Variants in SPIC observed in about 807,000 individuals in gnomAD.
The protein encoded by SPIC is transcription factor Spi-C.
A neutral mutation model predicts 16.7 loss-of-function variants in SPIC; 9 were observed. The ratio of observed to expected loss-of-function variants is 0.54; its 90% CI spans 0.33 to 0.94. The LOEUF (loss-of-function observed/expected upper bound fraction) is 0.94, where lower values mean the gene tolerates loss of function less well. Ranked by LOEUF, SPIC falls within the 40% of genes least tolerant of loss-of-function variation. SPIC has a pLI of 0.03. For missense variants in SPIC, 241 were observed against 285.8 expected, an observed-to-expected ratio of 0.84 and a Z score of 1.13; for synonymous variants, 97 against 102.9, an observed-to-expected ratio of 0.94 and a Z score of 0.35.
intron 4 of SPIC, 122 bp downstream of exon 4, chr12:101,479,816 T>TCC: frequency 1.7e-6 from 1 of 578,818 alleles, no homozygotes; most frequent in Non-Finnish European, 2.6e-6. Flanking sequence ...GGTTTTTTCT[T>TCC]TCTTTTTTTT....
intron 3 of SPIC, among the ~76,000 whole-genome samples, chr12:101,479,345 AAG>A (rs1417403262): frequency 1.2e-4 from 18 of 150,202 alleles, no homozygotes; most frequent in African/African-American, 4.2e-4. Flanking sequence ...GAAAGAAAGA[AAG>A]AAAGAAAGAA....
chr12:101,479,538 A>G (rs1392544313), intron 3 of SPIC, 44 bp from the exon 4 acceptor site: 4 of 1,490,336 alleles, frequency 2.7e-6, no homozygotes, highest in Non-Finnish European at 2.8e-6. Flanking sequence ...ATGCACAAAT[A>G]CAAACTTTGA....
intron 5 of SPIC, among the ~76,000 whole-genome samples, chr12:101,484,280 T>C (rs968190295): frequency 6.6e-5 from 10 of 152,070 alleles, no homozygotes; most frequent in Non-Finnish European, 1.3e-4. Flanking sequence ...ATGCCTGTAA[T>C]CCTAGCACTT....
chr12:101,480,551 G>A (rs950720725), intron 4 of SPIC, among the ~76,000 whole-genome samples: 18 of 152,068 alleles, frequency 1.2e-4, no homozygotes, highest in Admixed American at 1.2e-3. Flanking sequence ...TTTATCAAGC[G>A]GTCTTCATGG....
rs770551209 is a variant in SPIC at position 101,486,647 on chromosome 12, G to T, written c.623G>T (p.Gly208Val). 1.2e-6 allele frequency: 2 copies of T among 1,613,842 alleles called. No individual in the cohort carries two copies. The highest frequency in any genetic ancestry group is 1.7e-6 in the Non-Finnish European group (2 of 1,179,866). Residue 208 changes from glycine (G) to valine (V), a missense_variant, in exon 6 of 6, where the codon GGG (glycine) becomes GTG (valine). Coordinates refer to ENST00000551346, the MANE Select transcript of SPIC (RefSeq NM_152323.3). Reference protein sequence around the residue: ...LQRLSPSYFLGKEIFYSQCVQ... With the variant: ...LQRLSPSYFLVKEIFYSQCVQ... ...AGACTCTCTCCATCCTATTTCCTGG[G>T]GAAAGAGATCTTCTATTCACAGTGT...
At chr12:101,479,172 A>AAAGAAAGAAAG (rs1555208932) in intron 3 of SPIC, among the ~76,000 whole-genome samples, 1 of 82,934 alleles carries the variant, frequency 1.2e-5, no homozygotes, top group East Asian at 3.3e-4. Flanking sequence ...GAAAGAAAGA[A>AAAGAAAGAAAG]AAAGAAAGAA....
intron 5 of SPIC, among the ~76,000 whole-genome samples, chr12:101,484,754 C>T (rs541214262): frequency 9.4e-5 from 14 of 149,616 alleles, no homozygotes; most frequent in African/African-American, 2.9e-4. Flanking sequence ...GCAGATCACT[C>T]GAGGTCAGGA....
intron 4 of SPIC, 43 bp from the exon 5 acceptor site, chr12:101,482,749 C>A (rs772143783): frequency 7.7e-6 from 12 of 1,560,268 alleles, no homozygotes; most frequent in Non-Finnish European, 8.7e-7. Context: ...TAGGGGGCAA[C>A]AGGGAAAGTC....
chr12:101,476,867 A>G lies in SPIC; in HGVS notation c.-38A>G. On this transcript the variant is annotated 5_prime_UTR_variant, in exon 2 of 6. Coordinates refer to ENST00000551346, the MANE Select transcript of SPIC (RefSeq NM_152323.3). ...TTTATTTTATTTTCTTCAAGCAACA[A>G]TTGCTAAGGAACAGAATTGTCAATT... 7.4e-7 allele frequency: 1 copy of G among 1,354,290 alleles called. No individual in the cohort carries two copies. The highest frequency in any genetic ancestry group is 9.8e-7 in the Non-Finnish European group (1 of 1,018,680). 83.9% of individuals were successfully genotyped at this position (1,354,290 alleles called of 1,614,324 possible).
intron 4 of SPIC, among the ~76,000 whole-genome samples, chr12:101,481,689 T>C (rs573122618): frequency 4.6e-5 from 7 of 151,596 alleles, no homozygotes; most frequent in East Asian, 2.0e-4. Flanking sequence ...AATTTTTGTA[T>C]TTTTAGTAGA....
At chr12:101,479,305 A>AAAGAAAG (rs1565831340) in intron 3 of SPIC, among the ~76,000 whole-genome samples, 1 of 23,024 alleles carries the variant, frequency 4.3e-5, no homozygotes, top group African/African-American at 2.2e-4. Flanking sequence ...AGAAAGAAAG[A>AAAGAAAG]AAAAAGAAAG....
intron 4 of SPIC, among the ~76,000 whole-genome samples, chr12:101,481,219 T>C (rs74917016): frequency 0.023 from 3,499 of 152,212 alleles, 53 homozygotes; most frequent in Middle Eastern, 0.037. Context: ...CAGGGTATTT[T>C]TCTCTCACCT....
intron 3 of SPIC, among the ~76,000 whole-genome samples, chr12:101,479,306 AAAAAGAAAG>A (rs1201752974): frequency 0.052 from 1,984 of 38,396 alleles, 163 homozygotes; most frequent in East Asian, 0.19. Flanking sequence ...GAAAGAAAGA[AAAAAGAAAG>A]AAAGAAAGAA....
At chr12:101,480,667 C>A (rs991024963) in intron 4 of SPIC, among the ~76,000 whole-genome samples, 4 of 152,166 alleles carry the variant, frequency 2.6e-5, no homozygotes, top group African/African-American at 9.7e-5. Flanking sequence ...TCCCTTGGGG[C>A]CTCTTCACAA....
At chr12:101,477,522 T>C (rs771517950) in intron 2 of SPIC, 36 bp from the exon 3 acceptor site, 1 of 1,583,662 alleles carries the variant, frequency 6.3e-7, no homozygotes, top group Middle Eastern at 1.7e-4. Flanking sequence ...TAATTGGTAA[T>C]TCGAAAACTC....
chr12:101,480,943 T>G (rs1246304659), intron 4 of SPIC, among the ~76,000 whole-genome samples: 1 of 152,238 alleles, frequency 6.6e-6, no homozygotes, highest in Non-Finnish European at 1.5e-5. Flanking sequence ...GTTTGCTAAA[T>G]CTGGCAACCC....
intron 2 of SPIC, among the ~76,000 whole-genome samples, 195 bp downstream of exon 2, chr12:101,477,102 A>G (rs183634077): frequency 1.1e-3 from 162 of 152,348 alleles, no homozygotes; most frequent in Admixed American, 4.3e-3. Context: ...TCATTTTTAA[A>G]CAACAATTCA....
chr12:101,479,743 C>T, intron 4 of SPIC, 49 bp downstream of exon 4: 1 of 1,410,234 alleles, frequency 7.1e-7, no homozygotes, highest in East Asian at 2.3e-5. Context: ...CTATTCTTGC[C>T]AGCCTTCCAT....
chr12:101,482,561 A>G (rs185978156), intron 4 of SPIC, among the ~76,000 whole-genome samples: 1 of 152,184 alleles, frequency 6.6e-6, no homozygotes, highest in East Asian at 1.9e-4. Flanking sequence ...TAGGGAGGGT[A>G]GGACATGACA....
Sources: gnomAD v4.1 joint callset for allele counts (sites outside exome capture counted in the v4.1 genomes callset) on GRCh38, gnomAD v4.1.1 for gene constraint, MANE v1.5 for transcripts, NCBI Gene and HGNC (gene_info 2026-07-23, HGNC 2026-07-21) for gene names.